Variants in ZBTB39 observed in about 807,000 individuals in gnomAD.
ZBTB39 encodes the protein zinc finger and BTB domain containing 39, also known as zinc finger and BTB domain-containing protein 39.
ZBTB39 carries 25 observed loss-of-function variants against 39.4 expected under a neutral mutation model. The ratio of observed to expected loss-of-function variants is 0.63; its 90% confidence interval spans 0.46 to 0.89. The LOEUF is 0.89. ZBTB39 is among the 40% of genes least tolerant of loss of function. The probability of loss-of-function intolerance (pLI) is 0.00; values close to 1 mark genes in which losing one functional copy is unlikely to be tolerated. For synonymous variants in ZBTB39, 373 were observed against 359.6 expected, an observed-to-expected ratio of 1.04 and a Z score of -0.42; for missense variants, 891 against 909.7, an observed-to-expected ratio of 0.98 and a Z score of 0.26.
rs772647940 is a variant in ZBTB39 at position 57,003,375 on chromosome 12, T to C, written c.1543A>G (p.Asn515Asp). The change falls in exon 2 of 2, where the codon AAC (asparagine) becomes GAC (aspartate). Residue 515 changes from asparagine to aspartate, a missense_variant. Asn to Asp is a conservative substitution (Grantham distance 23). Transcript: ENST00000300101. This position sits in a 1 kb window ranked among gnomAD's most constrained non-coding sequence, Gnocchi z 4.8. ...ISVFSCSVCA[N>D]SFVDWHLLEK... is the part of the protein sequence containing the mutation. ...AGAAGATGCCAGTCCACAAAGCTGT[T>C]CGCACAGACAGAACAGGAGAAGACT... 14 of 1,613,998 alleles carry C rather than the reference T, an allele frequency of 8.7e-6. No individual in the cohort carries two copies. In the African/African-American group the frequency reaches 1.9e-4, roughly 22 times the overall value.
At chr12:57,006,018 T>C (rs1284347995) in intron 1 of ZBTB39, among the ~76,000 whole-genome samples, 1 of 152,158 alleles carries the variant, frequency 6.6e-6, no homozygotes, top group African/African-American at 2.4e-5. Flanking sequence ...GTCGGAGCAC[T>C]GGGCAGCCAG....
chr12:57,004,975 G>T lies in ZBTB39; in HGVS notation c.-44-14C>A. 6.6e-7 allele frequency: 1 copy of T among 1,507,766 alleles called. No homozygotes were observed. The highest frequency in any genetic ancestry group is 1.3e-5 in the South Asian group (1 of 75,294). 93.4% of individuals were successfully genotyped at this position (1,507,766 alleles called of 1,614,324 possible). The stretch of plus-strand genomic sequence containing the variant: ...AGCACAGTTAATCTGTGGATAGCAA[G>T]AGAAAAAGATGGATGGCCAAACACA... On this transcript the variant is annotated splice_polypyrimidine_tract_variant and intron_variant, in intron 1 of 1. Coordinates refer to ENST00000300101, the MANE Select transcript of ZBTB39 (RefSeq NM_014830.3).
chr12:57,004,889 G>A lies in ZBTB39; in HGVS notation c.29C>T (p.Thr10Ile). The change falls in exon 2 of 2, where the codon ACC (threonine) becomes ATC (isoleucine). Residue 10 changes from threonine to isoleucine, a missense_variant. Coordinates refer to ENST00000300101, the MANE Select transcript of ZBTB39 (RefSeq NM_014830.3). ...CTTCAGCAGGTTGTTGGGGTGGTTG[G>A]TGCTTTGCAGTTTGATCCTCATGCC... The part of the protein sequence containing the change: MGMRIKLQS[T>I]NHPNNLLKEL... 1.9e-6 allele frequency: 3 copies of A among 1,604,742 alleles called. No individual in the cohort carries two copies. Among genetic ancestry groups the A allele is most frequent in the South Asian group, 2.2e-5 (2 of 89,950 alleles).
chr12:57,005,743 G>T (rs994267285), intron 1 of ZBTB39, among the ~76,000 whole-genome samples: 7 of 152,198 alleles, frequency 4.6e-5, no homozygotes, highest in African/African-American at 1.7e-4. Context: ...GATGCCGCAA[G>T]AAAGACTTCT....
At position 57,004,137 on chromosome 12, in the gene ZBTB39, G is replaced by C. The variant is rs759014544; in HGVS notation, c.781C>G (p.Leu261Val). ...SNGDFSKNSF[L>V]TPDNAVDITT... ...ATGTCTACTGCATTGTCAGGGGTGA[G>C]GAAGCTGTTTTTACTGAAGTCTCCA... Residue 261 changes from leucine to valine, a missense_variant, in exon 2 of 2, where the codon CTC becomes GTC. Transcript: ENST00000300101. The C allele has an allele frequency of 4.3e-6, 7 of 1,614,206 alleles. No homozygotes were observed. The highest frequency in any genetic ancestry group is 5.9e-6 in the Non-Finnish European group (7 of 1,180,040).
Position 57,004,714 on chromosome 12 carries a change from C to A in ZBTB39, c.204G>T (p.Arg68Ser), listed in dbSNP as rs1565630784. 1 of 1,614,186 alleles carries A rather than the reference C, an allele frequency of 6.2e-7. No homozygotes were observed. The highest frequency in any genetic ancestry group is 2.2e-5 in the East Asian group (1 of 44,888). Residue 68 changes from arginine (R) to serine (S), a missense_variant, in exon 2 of 2, where the codon AGG becomes AGT. By Grantham distance (110) the Arg-to-Ser change is moderately radical. Transcript: ENST00000300101. ...GGGTGATGAAGTCCACCACATAGGT[C>A]CTGGCAGCATCAAGCCCAGTATTCA... The part of the protein sequence containing the change: ...LFLNTGLDAA[R>S]TYVVDFITPA...
Position 57,004,737 on chromosome 12 carries a change from T to C in ZBTB39, c.181A>G (p.Asn61Asp). ...GTCCTGGCAGCATCAAGCCCAGTAT[T>C]CAGGAAGAGGTTCTGGAAGTAGCCA... Reference protein sequence around the residue: ...AAGYFQNLFLNTGLDAARTYV... With the variant: ...AAGYFQNLFLDTGLDAARTYV... Residue 61 changes from asparagine (N) to aspartate (D), a missense_variant, in exon 2 of 2, where the codon AAT becomes GAT. By Grantham distance (23) the Asn-to-Asp change is conservative. Coordinates refer to ENST00000300101, the MANE Select transcript of ZBTB39 (RefSeq NM_014830.3). The C allele has an allele frequency of 6.2e-7, 1 of 1,614,158 alleles. No individual in the cohort carries two copies. Among genetic ancestry groups the C allele is most frequent in the Non-Finnish European group, 8.5e-7 (1 of 1,180,010 alleles).
chr12:57,006,067 G>A (rs903093069), intron 1 of ZBTB39, among the ~76,000 whole-genome samples: 12 of 152,300 alleles, frequency 7.9e-5, no homozygotes, highest in African/African-American at 2.6e-4. Context: ...GAACTTCCAA[G>A]GACACCCCAA....
rs369689999 is a variant in ZBTB39, at chr12:57,003,903, C to T, written c.1015G>A (p.Glu339Lys). 5.9e-5 allele frequency: 96 copies of T among 1,614,078 alleles called. No individual in the cohort carries two copies. The highest frequency in any genetic ancestry group is 8.0e-5 in the Non-Finnish European group (94 of 1,180,044). The change falls in exon 2 of 2, where the codon GAG becomes AAG. Residue 339 changes from glutamate to lysine, a missense_variant. Coordinates refer to ENST00000300101, the MANE Select transcript of ZBTB39 (RefSeq NM_014830.3). The surrounding 1 kb of genome is among the most constrained non-coding windows in gnomAD (Gnocchi z 4.8). ...ELAFGENDNR[E>K]NKAMPCQVCK... ...ACCTGGCAGGGCATGGCCTTATTCT[C>T]CCGATTGTCATTCTCTCCAAAAGCC...
chr12:57,000,502 TACC>T lies in ZBTB39; in HGVS notation c.*2274_*2276del, dbSNP rs1956204149. 6.5e-6 allele frequency: 1 copy of T among 152,676 alleles called. No individual in the cohort carries two copies. The allele number at this position is 152,676 out of a possible 1,614,324, so 9.5% of individuals were successfully genotyped here. ...CAGCCACTCGGCTGGTTCCTGTAAT[TACC>T]ACCTCTCTCACACCAGCATTTCAAA... On this transcript the variant is annotated 3_prime_UTR_variant, in exon 2 of 2. Coordinates refer to ENST00000300101, the MANE Select transcript of ZBTB39 (RefSeq NM_014830.3).
chr12:57,002,590 G>A lies in ZBTB39; in HGVS notation c.*189C>T. The A allele has an allele frequency of 3.2e-6, 2 of 615,644 alleles. No homozygotes were observed. Among genetic ancestry groups the A allele is most frequent in the Admixed American group, 3.0e-5 (1 of 33,742 alleles). 38.1% of individuals were successfully genotyped at this position (615,644 alleles called of 1,614,324 possible). On this transcript the variant is annotated 3_prime_UTR_variant, in exon 2 of 2. Transcript: ENST00000300101. ...ACAGGTATGGAGGTAAATGTGATAG[G>A]GCTGTTGCTTCTCAACAACAGTAAC...
At position 56,998,843 on chromosome 12, in the gene ZBTB39, TTTC is replaced by T. The variant is rs1436474026; in HGVS notation, c.*3933_*3935del. On this transcript the variant is annotated 3_prime_UTR_variant, in exon 2 of 2. Coordinates refer to ENST00000300101, the MANE Select transcript of ZBTB39 (RefSeq NM_014830.3). Reference sequence around the variant, plus strand: ...GTAGGAAGAGAACTCTCATTTCAAATTTCTTTTTTTATTCTAAATAAAAACCAC... The same window carrying T: ...GTAGGAAGAGAACTCTCATTTCAAATTTTTTTTATTCTAAATAAAAACCAC... 1 of 152,658 alleles carries T rather than the reference TTTC, an allele frequency of 6.6e-6. No individual in the cohort carries two copies. Among genetic ancestry groups the T allele is most frequent in the Non-Finnish European group, 1.5e-5 (1 of 68,026 alleles). 9.5% of individuals were successfully genotyped at this position (152,658 alleles called of 1,614,324 possible). A position where few individuals can be genotyped will look rare whatever the true frequency, so the allele number is the denominator to read the frequency against.
chr12:57,003,273 A>G lies in ZBTB39; in HGVS notation c.1645T>C (p.Ser549Pro). 1 of 1,614,154 alleles carries G rather than the reference A, an allele frequency of 6.2e-7. No homozygotes were observed. Among genetic ancestry groups the G allele is most frequent in the Non-Finnish European group, 8.5e-7 (1 of 1,180,000 alleles). Residue 549 changes from serine to proline, a missense_variant, in exon 2 of 2, where the codon TCA (serine) becomes CCA (proline). Transcript: ENST00000300101. This position sits in a 1 kb window ranked among gnomAD's most constrained non-coding sequence, Gnocchi z 4.8. ...ACGTGGTAGCGATAGGCAGCCTCTG[A>G]CTTGAAGCTCTGGCTGCACAAGCGG... is the stretch of plus-strand genomic sequence containing the variant. ...HCRLCSQSFK[S>P]EAAYRYHVSQ... is the part of the protein sequence containing the mutation.
chr12:57,001,852 G>A lies in ZBTB39; in HGVS notation c.*927C>T, dbSNP rs1355557717. ...CACCACGGGCCAAACACTTCTGGAC[G>A]GGAGACCAGATATAAATTAAGGCAA... On this transcript the variant is annotated 3_prime_UTR_variant, in exon 2 of 2. Coordinates refer to ENST00000300101, the MANE Select transcript of ZBTB39 (RefSeq NM_014830.3). The A allele has an allele frequency of 1.3e-5, 2 of 152,784 alleles. No homozygotes were observed. Among genetic ancestry groups the A allele is most frequent in the Non-Finnish European group, 2.9e-5 (2 of 68,076 alleles). 9.5% of individuals were successfully genotyped at this position (152,784 alleles called of 1,614,324 possible). A position where few individuals can be genotyped will look rare whatever the true frequency, so the allele number is the denominator to read the frequency against.
rs764860584 is a variant in ZBTB39 at position 57,004,112 on chromosome 12, A to T, written c.806T>A (p.Ile269Asn). 3.1e-6 allele frequency: 5 copies of T among 1,614,064 alleles called. No homozygotes were observed. The highest frequency in any genetic ancestry group is 1.3e-5 in the African/African-American group (1 of 74,912). ...CAGACAGGAGTTGGTCCCAGTGGTA[A>T]TGTCTACTGCATTGTCAGGGGTGAG... ...SFLTPDNAVD[I>N]TTGTNSCLSN... The change falls in exon 2 of 2, where the codon ATT becomes AAT. Residue 269 changes from isoleucine (I) to asparagine (N), a missense_variant. By Grantham distance (149) the Ile-to-Asn change is moderately radical. Transcript: ENST00000300101.
chr12:57,006,424 A>C lies in ZBTB39; in HGVS notation c.-64T>G, dbSNP rs1956246198. 1 of 149,940 alleles carries C rather than the reference A, an allele frequency of 6.7e-6. No homozygotes were observed. The highest frequency in any genetic ancestry group is 2.4e-5 in the African/African-American group (1 of 41,086). The allele number at this position is 149,940 out of a possible 1,614,324, so 9.3% of individuals were successfully genotyped here. ...GCTTACCCGGCTCTGCGGCGCCCCG[A>C]GCACCATCGCCGCCGCCGCTTCACA... On this transcript the variant is annotated 5_prime_UTR_variant, in exon 1 of 2. Transcript: ENST00000300101.
intron 1 of ZBTB39, among the ~76,000 whole-genome samples, chr12:57,006,075 C>T (rs1431186162): frequency 6.6e-6 from 1 of 152,170 alleles, no homozygotes; most frequent in Non-Finnish European, 1.5e-5. Context: ...AAGGACACCC[C>T]AACAATCCCC....
chr12:57,002,851 A>C lies in ZBTB39; in HGVS notation c.2067T>G (p.Pro689=). ...HVGVHKGSLP[P]DFTIEQTFMY... The stretch of plus-strand genomic sequence containing the variant: ...TGAAGGTCTGCTCGATGGTGAAGTC[A>C]GGGGGGAGGCTGCCTTTGTGCACAC... Residue 689 remains proline, a synonymous_variant, in exon 2 of 2, where the codon CCT becomes CCG. Coordinates refer to ENST00000300101, the MANE Select transcript of ZBTB39 (RefSeq NM_014830.3). 1.2e-6 allele frequency: 2 copies of C among 1,614,172 alleles called. No individual in the cohort carries two copies. Among genetic ancestry groups the C allele is most frequent in the Non-Finnish European group, 1.7e-6 (2 of 1,180,018 alleles).
chr12:57,006,249 C>T (rs185869776), intron 1 of ZBTB39, among the ~76,000 whole-genome samples, 156 bp downstream of exon 1: 1 of 148,794 alleles, frequency 6.7e-6, no homozygotes, highest in Non-Finnish European at 1.5e-5. Context: ...AGGGGCCAAG[C>T]GAGGGGCGGC....
Sources: allele counts gnomAD v4.1 joint callset (sites outside exome capture counted in the v4.1 genomes callset), GRCh38; gene constraint gnomAD v4.1.1; non-coding constraint Gnocchi (gnomAD v3.1); transcripts MANE v1.5; gene names NCBI Gene and HGNC (gene_info 2026-07-23, HGNC 2026-07-21).